Variants in KIAA1671 observed in about 807,000 individuals in gnomAD.
KIAA1671 encodes the protein KIAA1671, also known as uncharacterized protein KIAA1671.
KIAA1671 carries 52 observed loss-of-function variants against 131.2 expected under a neutral mutation model. The observed-to-expected ratio is 0.40, with a 90% CI of 0.32 to 0.50. The LOEUF is 0.50. KIAA1671 is among the 20% of genes least tolerant of loss of function. The pLI is 0.73. For missense variants in KIAA1671, 2,360 were observed against 2,364.2 expected, an observed-to-expected ratio of 1.00 and a Z score of 0.04; for synonymous variants, 1,003 against 961.6, an observed-to-expected ratio of 1.04 and a Z score of -0.80.
chr22:25,184,213 G>A lies in KIAA1671; in HGVS notation c.5200-764G>A, dbSNP rs1934391435. ...CCGGTGTGAATCCCAGTTCATAAAA[G>A]CTGTGTGACTTCGGGCTAGACCTTT... is the stretch of plus-strand genomic sequence containing the variant. On this transcript the variant is annotated intron_variant, in intron 10 of 12. Coordinates refer to ENST00000358431, the MANE Select transcript of KIAA1671 (RefSeq NM_001145206.2). Among the ~76,000 whole-genome samples the A allele has an allele frequency of 2.0e-5, 3 of 152,360 alleles. No individual in the cohort carries two copies. In the South Asian group the frequency reaches 6.2e-4, roughly 32 times the overall value.
intron 6 of KIAA1671, among the ~76,000 whole-genome samples, chr22:25,091,284 C>T (rs1198273376): frequency 6.6e-6 from 1 of 152,156 alleles, no homozygotes; most frequent in Non-Finnish European, 1.5e-5. Context: ...TCTCGAACTC[C>T]TAACCTCAGG....
At position 25,040,051 on chromosome 22, in the gene KIAA1671, A is replaced by T; in HGVS notation, c.2921A>T (p.His974Leu). The T allele has an allele frequency of 6.4e-7, 1 of 1,551,704 alleles. No individual in the cohort carries two copies. The highest frequency in any genetic ancestry group is 2.4e-5 in the East Asian group (1 of 40,906). Residue 974 changes from histidine to leucine, a missense_variant, in exon 5 of 13, where the codon CAC becomes CTC. By Grantham distance (99) the His-to-Leu change is moderately conservative. This residue lies in a region of KIAA1671 where 1,161 missense variants were observed against 1,204.7 expected (regional missense o/e 0.96). Transcript: ENST00000358431. Reference sequence around the variant, plus strand: ...CCAGAGGACTCTCCACATGTGGGGCACAGACGAACAGATTATGTGAGCCCC... The same window carrying T: ...CCAGAGGACTCTCCACATGTGGGGCTCAGACGAACAGATTATGTGAGCCCC... ...LVPEDSPHVG[H>L]RRTDYVSPTA... is the part of the protein sequence containing the mutation.
At chr22:25,085,064 A>G (rs1200711072) in intron 6 of KIAA1671, among the ~76,000 whole-genome samples, 3 of 152,230 alleles carry the variant, frequency 2.0e-5, no homozygotes, top group Admixed American at 1.3e-4. Context: ...GGGAGGGGAC[A>G]TGGACCCCCT....
At chr22:24,972,739 G>C (rs1922691239) in intron 1 of KIAA1671, among the ~76,000 whole-genome samples, 1 of 151,186 alleles carries the variant, frequency 6.6e-6, no homozygotes, top group South Asian at 2.1e-4. Context: ...TACCTACTCT[G>C]TGCCAGGCAC....
chr22:25,144,921 C>A (rs1932854710), intron 6 of KIAA1671, among the ~76,000 whole-genome samples: 1 of 152,208 alleles, frequency 6.6e-6, no homozygotes, highest in Admixed American at 6.5e-5. Context: ...CATGCAAGAA[C>A]AAAGAAGTAA....
chr22:25,160,161 G>A (rs750534697), intron 6 of KIAA1671, among the ~76,000 whole-genome samples: 1 of 152,228 alleles, frequency 6.6e-6, no homozygotes, highest in Non-Finnish European at 1.5e-5. Flanking sequence ...ATCACCAACA[G>A]AGTAAACTGA....
At chr22:24,974,374 G>A (rs1026549465) in intron 1 of KIAA1671, among the ~76,000 whole-genome samples, 1 of 152,092 alleles carries the variant, frequency 6.6e-6, no homozygotes, top group African/African-American at 2.4e-5. Flanking sequence ...AGGTCCTTTA[G>A]TTCTCATGGT....
chr22:25,168,664 G>A (rs28453730), intron 6 of KIAA1671, among the ~76,000 whole-genome samples: 14 of 152,016 alleles, frequency 9.2e-5, no homozygotes, highest in African/African-American at 3.4e-4. Flanking sequence ...CTGCACTCCA[G>A]CCTGGGAGAC....
At chr22:24,966,823 G>GCA (rs199960877) in intron 1 of KIAA1671, among the ~76,000 whole-genome samples, 1 of 152,158 alleles carries the variant, frequency 6.6e-6, no homozygotes, top group African/African-American at 2.4e-5. Context: ...GCGTGATGGT[G>GCA]CACACACCTG....
chr22:25,133,845 GC>G (rs1932557457), intron 6 of KIAA1671, among the ~76,000 whole-genome samples: 1 of 152,178 alleles, frequency 6.6e-6, no homozygotes, highest in Admixed American at 6.5e-5. Context: ...ACCGCATCCT[GC>G]CCCTCCTTGA....
At chr22:24,989,284 A>G (rs1444562543) in intron 1 of KIAA1671, among the ~76,000 whole-genome samples, 2 of 151,762 alleles carry the variant, frequency 1.3e-5, no homozygotes, top group African/African-American at 4.8e-5. Flanking sequence ...CCAGGCTTCC[A>G]CCTTTGCCAT....
intron 6 of KIAA1671, chr22:25,065,153 A>T (rs1602110758): frequency 6.6e-6 from 1 of 152,204 alleles, no homozygotes; most frequent in East Asian, 1.9e-4. Flanking sequence ...CGGCGGCTGT[A>T]TGGTGAAGGG....
intron 6 of KIAA1671, among the ~76,000 whole-genome samples, chr22:25,081,015 C>T (rs1929374307): frequency 6.6e-6 from 1 of 152,114 alleles, no homozygotes; most frequent in Non-Finnish European, 1.5e-5. Context: ...TGCTGGGTGT[C>T]AGACATTCCA....
At chr22:25,099,587 C>T (rs1930563781) in intron 6 of KIAA1671, among the ~76,000 whole-genome samples, 2 of 131,678 alleles carry the variant, frequency 1.5e-5, no homozygotes, top group Non-Finnish European at 3.1e-5. Context: ...TAGAGTCTCG[C>T]TCAGTCACCT....
rs538889571 is a variant in KIAA1671 at position 25,196,949 on chromosome 22, T to TATAC, written c.*4549_*4550insTACA. On this transcript the variant is annotated 3_prime_UTR_variant, in exon 13 of 13. Coordinates refer to ENST00000358431, the MANE Select transcript of KIAA1671 (RefSeq NM_001145206.2). Reference sequence around the variant, plus strand: ...GGCAGGGCGTGGAAATATATATATATACACACACACACAGAGACACACACA... The same window carrying TATAC: ...GGCAGGGCGTGGAAATATATATATATATACACACACACACACAGAGACACACACA... 12 of 151,800 alleles carry TATAC rather than the reference T, an allele frequency of 7.9e-5. No homozygotes were observed. The highest frequency in any genetic ancestry group is 2.9e-4 in the African/African-American group (12 of 41,356). The allele number at this position is 151,800 out of a possible 1,614,324, so 9.4% of individuals were successfully genotyped here.
intron 6 of KIAA1671, among the ~76,000 whole-genome samples, chr22:25,101,207 G>A (rs947137762): frequency 9.9e-5 from 15 of 152,198 alleles, no homozygotes; most frequent in Non-Finnish European, 2.1e-4. Flanking sequence ...CAGAACCACC[G>A]GGTGGCCCAG....
chr22:25,115,280 C>T (rs1001401517), intron 6 of KIAA1671, among the ~76,000 whole-genome samples: 14 of 152,160 alleles, frequency 9.2e-5, no homozygotes, highest in Admixed American at 6.5e-4. Flanking sequence ...GGAACAATGG[C>T]AGTGGCACAG....
chr22:25,182,128 G>A (rs1446617947), intron 10 of KIAA1671, among the ~76,000 whole-genome samples: 5 of 151,928 alleles, frequency 3.3e-5, no homozygotes, highest in African/African-American at 7.3e-5. Flanking sequence ...GCAGTAAGCC[G>A]AGATTGCGCC....
At chr22:25,046,050 C>T (rs1344407730) in intron 5 of KIAA1671, among the ~76,000 whole-genome samples, 1 of 152,022 alleles carries the variant, frequency 6.6e-6, no homozygotes, top group Non-Finnish European at 1.5e-5. Context: ...ATCTGTAATC[C>T]CAACACTTTG....
Sources: allele counts gnomAD v4.1 joint callset (sites outside exome capture counted in the v4.1 genomes callset), GRCh38; gene constraint gnomAD v4.1.1; regional missense constraint gnomAD v4.1.1; transcripts MANE v1.5; gene names NCBI Gene and HGNC (gene_info 2026-07-23, HGNC 2026-07-21).